Variants in ADAMTSL1 observed in about 807,000 individuals in gnomAD.
The protein encoded by ADAMTSL1 is ADAMTS-like protein 1.
Under a neutral mutation model 201.8 loss-of-function variants are expected in ADAMTSL1, and 126 were observed. That is an observed-to-expected ratio of 0.62 (90% CI 0.54 to 0.72). The LOEUF is 0.72. ADAMTSL1 is among the 30% of genes least tolerant of loss of function. The pLI is 0.00. For missense variants in ADAMTSL1, 2,679 were observed against 2,277.8 expected, an observed-to-expected ratio of 1.18 and a Z score of -3.59; for synonymous variants, 1,121 against 903.4, an observed-to-expected ratio of 1.24 and a Z score of -4.32.
chr9:18,525,825 C>G (rs111940643), intron 2 of ADAMTSL1, among the ~76,000 whole-genome samples: 14,221 of 152,150 alleles, frequency 0.093, 1,956 homozygotes, highest in African/African-American at 0.3. Flanking sequence ...GTTATAATTT[C>G]TGTTCTTTTA....
chr9:18,884,424 G>C lies in ADAMTSL1; in HGVS notation c.4250-3407G>C, dbSNP rs368552296. On this transcript the variant is annotated intron_variant, in intron 23 of 28. Transcript: ENST00000380548. ...TGTGTCAAAGATTTAAATTTTGATG[G>C]AATCCACTTTATTTTTTCATTTGTT... Among the ~76,000 whole-genome samples, 12 of 152,198 alleles carry C rather than the reference G, an allele frequency of 7.9e-5. 1 individual carries two copies. The highest frequency in any genetic ancestry group is 6.5e-4 in the Admixed American group (10 of 15,276).
At chr9:17,988,062 G>A (rs1818997399) in intron 1 of ADAMTSL1, among the ~76,000 whole-genome samples, 1 of 152,088 alleles carries the variant, frequency 6.6e-6, no homozygotes. Context: ...TGTGTTGCCT[G>A]GTGTTGATTG....
chr9:18,310,733 A>T (rs1455810720), intron 2 of ADAMTSL1, among the ~76,000 whole-genome samples: 1 of 152,194 alleles, frequency 6.6e-6, no homozygotes, highest in Non-Finnish European at 1.5e-5. Flanking sequence ...GTGGAGAAAT[A>T]GGAACTTTTT....
intron 14 of ADAMTSL1, among the ~76,000 whole-genome samples, chr9:18,719,881 A>G (rs1833228819): frequency 6.6e-6 from 1 of 152,206 alleles, no homozygotes; most frequent in Non-Finnish European, 1.5e-5. Flanking sequence ...GGTCAACTGT[A>G]CTATACTAGG....
intron 2 of ADAMTSL1, among the ~76,000 whole-genome samples, chr9:18,525,074 AC>A (rs573906134): frequency 6.6e-6 from 1 of 152,098 alleles, no homozygotes; most frequent in African/African-American, 2.4e-5. Context: ...CTGGTCCTGG[AC>A]TTTTTTTGGT....
At chr9:18,853,918 T>TGCGCGC (rs1554648786) in intron 23 of ADAMTSL1, among the ~76,000 whole-genome samples, 1 of 145,490 alleles carries the variant, frequency 6.9e-6, no homozygotes, top group East Asian at 2.0e-4. Context: ...TGTGTGTGTG[T>TGCGCGC]GCGCGTGCAT....
chr9:18,751,482 T>G (rs1383657365), intron 15 of ADAMTSL1, among the ~76,000 whole-genome samples: 1 of 152,216 alleles, frequency 6.6e-6, no homozygotes, highest in Non-Finnish European at 1.5e-5. Flanking sequence ...TCAATAGAGC[T>G]TATCTCATAT....
At chr9:18,008,101 G>C (rs1819905933) in intron 1 of ADAMTSL1, among the ~76,000 whole-genome samples, 1 of 151,932 alleles carries the variant, frequency 6.6e-6, no homozygotes, top group Non-Finnish European at 1.5e-5. Flanking sequence ...AGATATTTAG[G>C]TCATGTTAGA....
At chr9:18,621,334 C>A (rs1269203838) in intron 4 of ADAMTSL1, among the ~76,000 whole-genome samples, 1 of 152,134 alleles carries the variant, frequency 6.6e-6, no homozygotes, top group Non-Finnish European at 1.5e-5. Context: ...TTGGACCGGG[C>A]ATAAATGTTT....
chr9:18,769,141 G>A (rs1401959224), intron 16 of ADAMTSL1, among the ~76,000 whole-genome samples: 1 of 152,166 alleles, frequency 6.6e-6, no homozygotes, highest in African/African-American at 2.4e-5. Context: ...CTGCAGCTAT[G>A]TTCTGACTGT....
chr9:18,542,871 T>C (rs12376289), intron 3 of ADAMTSL1, among the ~76,000 whole-genome samples: 18,869 of 152,216 alleles, frequency 0.12, 1,446 homozygotes, highest in South Asian at 0.22. Flanking sequence ...ATCAGCCTTA[T>C]TCTATGGCAT....
intron 5 of ADAMTSL1, among the ~76,000 whole-genome samples, chr9:18,626,734 C>T (rs1484104981): frequency 6.6e-6 from 1 of 152,166 alleles, no homozygotes; most frequent in Admixed American, 6.5e-5. Flanking sequence ...ATGACAATGG[C>T]TTGGACTGTA....
At chr9:18,372,554 C>G (rs916333702) in intron 2 of ADAMTSL1, among the ~76,000 whole-genome samples, 3 of 152,148 alleles carry the variant, frequency 2.0e-5, no homozygotes, top group African/African-American at 7.2e-5. Context: ...GGTCTTCAGA[C>G]CCCTAGTTCA....
At chr9:18,526,495 T>G (rs1819061342) in intron 2 of ADAMTSL1, among the ~76,000 whole-genome samples, 1 of 152,216 alleles carries the variant, frequency 6.6e-6, no homozygotes, top group South Asian at 2.1e-4. Context: ...TGTTAGCTGG[T>G]TATTTTGCTC....
chr9:18,346,670 A>G (rs1317127361), intron 2 of ADAMTSL1, among the ~76,000 whole-genome samples: 1 of 152,154 alleles, frequency 6.6e-6, no homozygotes, highest in African/African-American at 2.4e-5. Context: ...GTGGCCTTCG[A>G]TTTTGGCTAG....
intron 16 of ADAMTSL1, among the ~76,000 whole-genome samples, chr9:18,760,722 T>C (rs955875113): frequency 1.3e-5 from 2 of 151,378 alleles, no homozygotes; most frequent in Admixed American, 6.5e-5. Context: ...TTCCACCTAC[T>C]CTTCTTCATG....
Position 18,900,361 on chromosome 9 carries a change from C to G in ADAMTSL1, c.4852-5421C>G, listed in dbSNP as rs114856404. ...AAATTAGTACAACCATTGTGGAAGA[C>G]AGTATGGTGATTCATCAAAGATCTA... On this transcript the variant is annotated intron_variant, in intron 26 of 28. Coordinates refer to ENST00000380548, the MANE Select transcript of ADAMTSL1 (RefSeq NM_001040272.6). Among the ~76,000 whole-genome samples the G allele has an allele frequency of 5.2e-3, 789 of 152,258 alleles. 8 individuals carry two copies. The highest frequency in any genetic ancestry group is 0.018 in the African/African-American group (765 of 41,560).
At chr9:18,592,924 A>G (rs934003666) in intron 4 of ADAMTSL1, among the ~76,000 whole-genome samples, 2 of 152,174 alleles carry the variant, frequency 1.3e-5, no homozygotes, top group African/African-American at 2.4e-5. Context: ...TTTTCATCAT[A>G]GAGATATTTC....
intron 1 of ADAMTSL1, among the ~76,000 whole-genome samples, chr9:18,488,658 A>C (rs1297302365): frequency 6.6e-6 from 1 of 152,174 alleles, no homozygotes; most frequent in African/African-American, 2.4e-5. Context: ...AAGTCATGCA[A>C]CCTACTCAGC....
Sources: gnomAD v4.1 joint callset for allele counts (sites outside exome capture counted in the v4.1 genomes callset) on GRCh38, gnomAD v4.1.1 for gene constraint, MANE v1.5 for transcripts, NCBI Gene and HGNC (gene_info 2026-07-23, HGNC 2026-07-21) for gene names.